BARX2: variants seen among roughly 807,000 people sequenced by gnomAD.
BARX2 encodes the protein homeobox protein BarH-like 2.
In BARX2, 11 loss-of-function variants were observed where a neutral mutation model predicts 25.5. The ratio of observed to expected loss-of-function variants is 0.43; its 90% CI spans 0.27 to 0.71. The LOEUF (loss-of-function observed/expected upper bound fraction) is 0.71. Ranked by LOEUF, BARX2 falls within the 30% of genes least tolerant of loss-of-function variation. BARX2 has a pLI of 0.19. For synonymous variants in BARX2, 137 were observed against 149.5 expected (o/e 0.92, Z 0.61); for missense variants, 360 against 359.9 (o/e 1.00, Z 0.00).
intron 2 of BARX2, among the ~76,000 whole-genome samples, chr11:129,440,561 G>A (rs1862244318): frequency 6.6e-6 from 1 of 152,228 alleles, no homozygotes; most frequent in Non-Finnish European, 1.5e-5. Context: ...ATTGGCTTTA[G>A]CCTGTTAATC....
At chr11:129,437,654 G>A (rs1223932729) in intron 2 of BARX2, 1 of 282,524 alleles carries the variant, frequency 3.5e-6, no homozygotes, top group Non-Finnish European at 5.3e-6. Flanking sequence ...TGGGGAGGCT[G>A]TGACCCTTGC....
chr11:129,423,551 C>T (rs1038916370), intron 1 of BARX2, among the ~76,000 whole-genome samples: 3 of 152,230 alleles, frequency 2.0e-5, no homozygotes, highest in African/African-American at 4.8e-5. Context: ...ACATTGTGCA[C>T]ATCTCCCCAG....
chr11:129,425,069 A>G (rs1294226639), intron 1 of BARX2, among the ~76,000 whole-genome samples: 2 of 152,228 alleles, frequency 1.3e-5, no homozygotes, highest in Non-Finnish European at 2.9e-5. Flanking sequence ...GCCTTTTTAT[A>G]GAAGAGAAAA....
chr11:129,446,922 G>A (rs1253581627), intron 3 of BARX2, among the ~76,000 whole-genome samples: 1 of 152,190 alleles, frequency 6.6e-6, no homozygotes, highest in Non-Finnish European at 1.5e-5. Flanking sequence ...GAGAGAGACA[G>A]AGAAAAAGGA....
chr11:129,401,403 G>T (rs1239448409), intron 1 of BARX2, among the ~76,000 whole-genome samples: 2 of 152,296 alleles, frequency 1.3e-5, no homozygotes, highest in African/African-American at 4.8e-5. Context: ...AACCAGAGGG[G>T]TTGGAAAATA....
chr11:129,446,925 A>G (rs1862337132), intron 3 of BARX2, among the ~76,000 whole-genome samples: 1 of 152,200 alleles, frequency 6.6e-6, no homozygotes, highest in African/African-American at 2.4e-5. Context: ...AGAGACAGAG[A>G]AAAAGGAACA....
intron 2 of BARX2, among the ~76,000 whole-genome samples, chr11:129,441,442 A>G (rs1169158502): frequency 6.6e-6 from 1 of 152,054 alleles, no homozygotes; most frequent in African/African-American, 2.4e-5. Flanking sequence ...CACAGAAGTA[A>G]TTTATTTTTA....
chr11:129,376,315 G>GT lies in BARX2; in HGVS notation c.187+95dup. On this transcript the variant is annotated intron_variant, in intron 1 of 3. Transcript: ENST00000281437. The surrounding 1 kb of genome is among the most constrained non-coding windows in gnomAD (Gnocchi z 4.2). ...TTGCGATCCGAGGGCGAGAGGAAGG[G>GT]TTAAGTTAAGGGATTCTTTTCCTGC... 1.6e-6 allele frequency: 2 copies of GT among 1,229,886 alleles called. No individual in the cohort carries two copies. The highest frequency in any genetic ancestry group is 2.2e-6 in the Non-Finnish European group (2 of 893,288). The allele number at this position is 1,229,886 out of a possible 1,614,324, so 76.2% of individuals were successfully genotyped here.
intron 1 of BARX2, among the ~76,000 whole-genome samples, chr11:129,398,147 T>G (rs923954280): frequency 1.1e-4 from 16 of 152,222 alleles, no homozygotes; most frequent in Non-Finnish European, 2.9e-5. Flanking sequence ...TGATGCAGAC[T>G]GTGATGGTGA....
chr11:129,451,680 T>C lies in BARX2; in HGVS notation c.*278T>C. On this transcript the variant is annotated 3_prime_UTR_variant, in exon 4 of 4. Transcript: ENST00000281437. ...TAGGAGCTGCCTGCCCCAGCTGGGGTGACGGCTGTAGGGCTGGGTCTATGT... is the reference window on the plus strand; with the variant it reads ...TAGGAGCTGCCTGCCCCAGCTGGGGCGACGGCTGTAGGGCTGGGTCTATGT... 1 of 447,722 alleles carries C rather than the reference T, an allele frequency of 2.2e-6. No individual in the cohort carries two copies. Among genetic ancestry groups the C allele is most frequent in the Non-Finnish European group, 4.1e-6 (1 of 246,864 alleles). 27.7% of individuals were successfully genotyped at this position (447,722 alleles called of 1,614,324 possible). A position where few individuals can be genotyped will look rare whatever the true frequency, so the allele number is the denominator to read the frequency against.
At chr11:129,444,026 A>C (rs1591449130) in intron 3 of BARX2, among the ~76,000 whole-genome samples, 1 of 151,714 alleles carries the variant, frequency 6.6e-6, no homozygotes, top group Non-Finnish European at 1.5e-5. Context: ...CACAGGCCCT[A>C]TGTCTTGGTG....
At position 129,423,439 on chromosome 11, in the gene BARX2, A is replaced by AT. The variant is rs375117247; in HGVS notation, c.188-13305dup. On this transcript the variant is annotated intron_variant, in intron 1 of 3. Transcript: ENST00000281437. ...CCAGATTGGATTTTTAAAATTACAT[A>AT]TTTTTTTGCATGTAATCAGGAACTT... is the stretch of plus-strand genomic sequence containing the variant. Among the ~76,000 whole-genome samples the AT allele has an allele frequency of 1.6e-3, 249 of 152,124 alleles. 2 individuals carry two copies. The highest frequency in any genetic ancestry group is 6.8e-3 in the Middle Eastern group (2 of 294).
In BARX2 at chr11:129,436,585, C is replaced by A; in HGVS notation, c.188-166C>A. On this transcript the variant is annotated intron_variant, in intron 1 of 3. Coordinates refer to ENST00000281437, the MANE Select transcript of BARX2 (RefSeq NM_003658.5). The surrounding 1 kb of genome is among the most constrained non-coding windows in gnomAD (Gnocchi z 4.5). Reference sequence around the variant, plus strand: ...AGAGCAGACCTCTGTGCCTGCCCTGCAGCTGTAGGTCTTGAGTTACCTCTC... The same window carrying A: ...AGAGCAGACCTCTGTGCCTGCCCTGAAGCTGTAGGTCTTGAGTTACCTCTC... The A allele has an allele frequency of 2.8e-6, 2 of 720,276 alleles. No homozygotes were observed. Among genetic ancestry groups the A allele is most frequent in the Non-Finnish European group, 4.5e-6 (2 of 445,030 alleles). The allele number at this position is 720,276 out of a possible 1,614,324, so 44.6% of individuals were successfully genotyped here. A position where few individuals can be genotyped will look rare whatever the true frequency, so the allele number is the denominator to read the frequency against.
intron 1 of BARX2, among the ~76,000 whole-genome samples, chr11:129,403,797 T>C (rs1450045716): frequency 6.6e-6 from 1 of 152,210 alleles, no homozygotes; most frequent in African/African-American, 2.4e-5. Flanking sequence ...CATAGCTTAC[T>C]GCAGTCTTGA....
intron 1 of BARX2, among the ~76,000 whole-genome samples, chr11:129,419,387 G>T (rs2135402500): frequency 6.6e-6 from 1 of 152,244 alleles, no homozygotes; most frequent in Non-Finnish European, 1.5e-5. Context: ...TGGGAAAATT[G>T]GTTTCTTATA....
At chr11:129,437,433 A>C in intron 2 of BARX2, 1 of 1,004,906 alleles carries the variant, frequency 1.0e-6, no homozygotes, top group Non-Finnish European at 1.2e-6. Context: ...ATTGGGATTC[A>C]TGATCTTCTC....
intron 1 of BARX2, among the ~76,000 whole-genome samples, chr11:129,393,704 T>A (rs1313770144): frequency 6.6e-6 from 1 of 152,156 alleles, no homozygotes; most frequent in African/African-American, 2.4e-5. Context: ...TTAATATTTT[T>A]AAAAATTAAA....
intron 1 of BARX2, among the ~76,000 whole-genome samples, chr11:129,397,367 T>A (rs1861731025): frequency 6.6e-6 from 1 of 152,166 alleles, no homozygotes; most frequent in Non-Finnish European, 1.5e-5. Context: ...AAATTATTCA[T>A]GAGCTCACTT....
At chr11:129,382,674 C>T (rs1025040275) in intron 1 of BARX2, among the ~76,000 whole-genome samples, 6 of 152,116 alleles carry the variant, frequency 3.9e-5, no homozygotes, top group Non-Finnish European at 8.8e-5. Context: ...TAAATTAACA[C>T]CTCATTTTGC....
Sources: allele counts gnomAD v4.1 joint callset (sites outside exome capture counted in the v4.1 genomes callset), GRCh38; gene constraint gnomAD v4.1.1; non-coding constraint Gnocchi (gnomAD v3.1); transcripts MANE v1.5; gene names NCBI Gene and HGNC (gene_info 2026-07-23, HGNC 2026-07-21).